The following CAD variants were observed in gnomAD, a reference collection of about 807,000 sequenced individuals.
CAD encodes carbamoyl-phosphate synthetase 2, aspartate transcarbamylase, and dihydroorotase.
Under a neutral mutation model 237.2 loss-of-function variants are expected in CAD, and 81 were observed. The observed-to-expected ratio is 0.34, with a 90% CI of 0.29 to 0.41. The LOEUF (loss-of-function observed/expected upper bound fraction) is 0.41, where lower values mean the gene tolerates loss of function less well. Among genes scored for constraint, CAD ranks in the 10% least tolerant of loss-of-function variants. The pLI is 1.00. For missense variants in CAD, 2,181 were observed against 2,951.7 expected (o/e 0.74, Z 6.05); for synonymous variants, 1,196 against 1,162.8 (o/e 1.03, Z -0.58).
intron 9 of CAD, 126 bp from the exon 10 acceptor site, chr2:27,224,619 A>G (rs1247733022): frequency 6.5e-7 from 1 of 1,534,828 alleles, no homozygotes; most frequent in Admixed American, 1.8e-5. Context: ...AGATGTAGTA[A>G]GAAATAGAAG....
chr2:27,231,635 G>A (rs573582520), intron 16 of CAD, 55 bp downstream of exon 16: 4 of 1,061,928 alleles, frequency 3.8e-6, no homozygotes, highest in African/African-American at 1.5e-5. Context: ...GCTTCTCATC[G>A]CCCCCAGACC....
rs778276618 is a variant in CAD, at chr2:27,241,353, T to C, written c.5840T>C (p.Leu1947Pro). 6.2e-7 allele frequency: 1 copy of C among 1,614,020 alleles called. No homozygotes were observed. The highest frequency in any genetic ancestry group is 8.5e-7 in the Non-Finnish European group (1 of 1,180,018). ...MSHLFNVAHT[L>P]RMMVQKERSL... ...CACCTGTTCAATGTGGCACACACACTGCGTATGATGGTGCAGAAGGAGCGG... is the reference window on the plus strand; with the variant it reads ...CACCTGTTCAATGTGGCACACACACCGCGTATGATGGTGCAGAAGGAGCGG... Residue 1947 changes from leucine to proline, a missense_variant, in exon 38 of 44, where the codon CTG becomes CCG. By Grantham distance (98) the Leu-to-Pro change is moderately conservative. Transcript: ENST00000264705. This position sits in a 1 kb window ranked among gnomAD's most constrained non-coding sequence, Gnocchi z 4.6.
rs758014737 is a variant in CAD at position 27,239,019 on chromosome 2, G to A, written c.5063-23G>A. Reference sequence around the variant, plus strand: ...AGACATGGAGGTGATTGGTCCTGAGGGTAATGGCTTTCTTTCTCCCAGCTC... The same window carrying A: ...AGACATGGAGGTGATTGGTCCTGAGAGTAATGGCTTTCTTTCTCCCAGCTC... On this transcript the variant is annotated intron_variant, in intron 31 of 43. Coordinates refer to ENST00000264705, the MANE Select transcript of CAD (RefSeq NM_004341.5). This position sits in a 1 kb window ranked among gnomAD's most constrained non-coding sequence, Gnocchi z 4.0. 1.3e-6 allele frequency: 2 copies of A among 1,536,232 alleles called. No individual in the cohort carries two copies. The highest frequency in any genetic ancestry group is 1.3e-5 in the South Asian group (1 of 77,180).
intron 3 of CAD, 23 bp downstream of exon 3, chr2:27,221,370 A>G: frequency 6.5e-7 from 1 of 1,534,406 alleles, no homozygotes; most frequent in Non-Finnish European, 8.8e-7. Flanking sequence ...GCAGGGGCAT[A>G]TTTGGGCAGA....
chr2:27,240,252 G>A lies in CAD; in HGVS notation c.5497-13G>A, dbSNP rs139681883. On this transcript the variant is annotated splice_polypyrimidine_tract_variant and intron_variant, in intron 34 of 43. Transcript: ENST00000264705. The surrounding 1 kb of genome is among the most constrained non-coding windows in gnomAD (Gnocchi z 4.6). ...AAAAAAAAAACAACTCTGGGCCAAC[G>A]TTATCCCTCCAGACACCTGAAAGAC... 10 of 1,601,258 alleles carry A rather than the reference G, an allele frequency of 6.2e-6. No homozygotes were observed. In the African/African-American group the frequency reaches 1.1e-4, roughly 17 times the overall value.
rs1676392048 is a variant in CAD, at chr2:27,242,928, T to C, written c.6435T>C (p.Thr2145=). ...CTGACACTGATGTGCTCTACATGAC[T>C]CGAATCCAGAAGGAACGATTTGGCT... is the stretch of plus-strand genomic sequence containing the variant. ...ALPDTDVLYM[T]RIQKERFGST... The change falls in exon 42 of 44, where the codon ACT becomes ACC. Residue 2145 remains threonine, a synonymous_variant. Transcript: ENST00000264705. The surrounding 1 kb of genome is among the most constrained non-coding windows in gnomAD (Gnocchi z 6.4). 1 of 1,610,410 alleles carries C rather than the reference T, an allele frequency of 6.2e-7. No homozygotes were observed. The highest frequency in any genetic ancestry group is 8.5e-7 in the Non-Finnish European group (1 of 1,176,962).
At chr2:27,234,729 G>T in intron 23 of CAD, 44 bp downstream of exon 23, 4 of 1,572,432 alleles carry the variant, frequency 2.5e-6, no homozygotes, top group Non-Finnish European at 3.5e-6. Flanking sequence ...AAAATAGCGG[G>T]AGAGAGTTCA....
Position 27,225,728 on chromosome 2 carries a change from G to T in CAD, c.1644G>T (p.Leu548=). ...AGGCCCAGGCAGCCGCTGAACGGCT[G>T]GGGTACCCTGTGCTAGTGCGTGCAG... ...LEQAQAAAER[L]GYPVLVRAAF... Residue 548 remains leucine (L), a synonymous_variant, in exon 12 of 44, where the codon CTG becomes CTT. Coordinates refer to ENST00000264705, the MANE Select transcript of CAD (RefSeq NM_004341.5). 6.2e-7 allele frequency: 1 copy of T among 1,614,060 alleles called. No homozygotes were observed. The highest frequency in any genetic ancestry group is 1.3e-5 in the African/African-American group (1 of 75,052).
At chr2:27,218,103 T>TGCCCAGCA in intron 2 of CAD, 87 bp downstream of exon 2, 1 of 1,192,652 alleles carries the variant, frequency 8.4e-7, no homozygotes, top group Non-Finnish European at 1.2e-6. Flanking sequence ...GACACCCTGC[T>TGCCCAGCA]GGGCATCCTG....
intron 23 of CAD, 114 bp downstream of exon 23, chr2:27,234,799 C>T (rs1008122628): frequency 1.3e-4 from 134 of 1,004,962 alleles, no homozygotes; most frequent in Admixed American, 6.0e-4. Context: ...ATTGCCGGAT[C>T]GTGGGGGTAA....
Position 27,243,561 on chromosome 2 carries a change from G to A in CAD, c.*43G>A. 6.8e-7 allele frequency: 1 copy of A among 1,467,016 alleles called. No homozygotes were observed. The highest frequency in any genetic ancestry group is 9.3e-7 in the Non-Finnish European group (1 of 1,069,732). The allele number at this position is 1,467,016 out of a possible 1,614,324, so 90.9% of individuals were successfully genotyped here. Reference sequence around the variant, plus strand: ...CTCTTCTCTTTAGGCCCAGCTGCTGGGCAAGGAATTCCAGTGCCTCCTACG... The same window carrying A: ...CTCTTCTCTTTAGGCCCAGCTGCTGAGCAAGGAATTCCAGTGCCTCCTACG... On this transcript the variant is annotated 3_prime_UTR_variant, in exon 44 of 44. Transcript: ENST00000264705.
Position 27,232,279 on chromosome 2 carries a change from A to G in CAD, c.2645+55A>G. 6.2e-7 allele frequency: 1 copy of G among 1,604,744 alleles called. No individual in the cohort carries two copies. The highest frequency in any genetic ancestry group is 1.3e-5 in the African/African-American group (1 of 74,958). On this transcript the variant is annotated intron_variant, in intron 17 of 43. Coordinates refer to ENST00000264705, the MANE Select transcript of CAD (RefSeq NM_004341.5). The surrounding 1 kb of genome is among the most constrained non-coding windows in gnomAD (Gnocchi z 4.1). ...GGGAAATGTGGGGCAGAACCTTTGTATCAGTGAGGGACCCTTGGGAGGGAG... is the reference window on the plus strand; with the variant it reads ...GGGAAATGTGGGGCAGAACCTTTGTGTCAGTGAGGGACCCTTGGGAGGGAG...
chr2:27,228,772 T>C (rs2148070669), intron 15 of CAD, among the ~76,000 whole-genome samples: 1 of 152,188 alleles, frequency 6.6e-6, no homozygotes, highest in Non-Finnish European at 1.5e-5. Flanking sequence ...TGTATTTTAA[T>C]AGAGACAGGG....
chr2:27,222,911 C>T lies in CAD; in HGVS notation c.683C>T (p.Ser228Phe), dbSNP rs267599312. 1 of 1,614,206 alleles carries T rather than the reference C, an allele frequency of 6.2e-7. No homozygotes were observed. The highest frequency in any genetic ancestry group is 1.3e-5 in the African/African-American group (1 of 75,032). Residue 228 changes from serine (S) to phenylalanine (F), a missense_variant, in exon 6 of 44, where the codon TCC becomes TTC. Transcript: ENST00000264705. Reference sequence around the variant, plus strand: ...AGTAATGGGCCTGGTGACCCTGCCTCCTATCCCAGTGTCGTATCCACACTG... The same window carrying T: ...AGTAATGGGCCTGGTGACCCTGCCTTCTATCCCAGTGTCGTATCCACACTG... Reference protein sequence around the residue: ...FLSNGPGDPASYPSVVSTLSR... With the variant: ...FLSNGPGDPAFYPSVVSTLSR...
chr2:27,220,716 G>C (rs1370018883), intron 2 of CAD, among the ~76,000 whole-genome samples: 2 of 151,782 alleles, frequency 1.3e-5, no homozygotes, highest in African/African-American at 4.8e-5. Flanking sequence ...CCAGCACTTT[G>C]GGAGGCTGAG....
Position 27,243,563 on chromosome 2 carries a change from C to CCTA in CAD, c.*45_*46insCTA. ...CTTCTCTTTAGGCCCAGCTGCTGGG[C>CCTA]AAGGAATTCCAGTGCCTCCTACGGG... On this transcript the variant is annotated 3_prime_UTR_variant, in exon 44 of 44. Transcript: ENST00000264705. 1 of 1,439,520 alleles carries CCTA rather than the reference C, an allele frequency of 6.9e-7. No homozygotes were observed. The highest frequency in any genetic ancestry group is 9.6e-7 in the Non-Finnish European group (1 of 1,045,294). The allele number at this position is 1,439,520 out of a possible 1,614,324, so 89.2% of individuals were successfully genotyped here.
At chr2:27,221,390 G>T (rs900477380) in intron 3 of CAD, 43 bp downstream of exon 3, 24 of 1,453,884 alleles carry the variant, frequency 1.7e-5, no homozygotes, top group African/African-American at 4.2e-5. Context: ...AGCACAGCAT[G>T]CCTGGATGGA....
Position 27,235,941 on chromosome 2 carries a change from C to T in CAD, c.4074+301C>T, listed in dbSNP as rs182108955. The T allele has an allele frequency of 1.9e-4, 93 of 488,760 alleles. 1 individual carries two copies. In the East Asian group the frequency reaches 3.1e-3, roughly 16 times the overall value. The allele number at this position is 488,760 out of a possible 1,614,324, so 30.3% of individuals were successfully genotyped here. A position where few individuals can be genotyped will look rare whatever the true frequency, so the allele number is the denominator to read the frequency against. On this transcript the variant is annotated intron_variant, in intron 25 of 43. Coordinates refer to ENST00000264705, the MANE Select transcript of CAD (RefSeq NM_004341.5). The surrounding 1 kb of genome is among the most constrained non-coding windows in gnomAD (Gnocchi z 5.2). ...TTATTATTACCATTATACTAGTAAG[C>T]TATATTCCATGCAGAAAGCAGAATA...
In CAD at chr2:27,241,447, C is replaced by G. The variant is rs532077879; in HGVS notation, c.5883+51C>G. 1 of 1,574,306 alleles carries G rather than the reference C, an allele frequency of 6.4e-7. No homozygotes were observed. The highest frequency in any genetic ancestry group is 8.7e-7 in the Non-Finnish European group (1 of 1,144,296). ...TCCAGGCCATCGCCTGCCCTTGGGC[C>G]GCATCAGCGCAGGGCCGCGCAGTGG... On this transcript the variant is annotated intron_variant, in intron 38 of 43. Coordinates refer to ENST00000264705, the MANE Select transcript of CAD (RefSeq NM_004341.5). The surrounding 1 kb of genome is among the most constrained non-coding windows in gnomAD (Gnocchi z 4.6).
Sources: allele counts gnomAD v4.1 joint callset (sites outside exome capture counted in the v4.1 genomes callset), GRCh38; gene constraint gnomAD v4.1.1; non-coding constraint Gnocchi (gnomAD v3.1); transcripts MANE v1.5; gene names NCBI Gene and HGNC (gene_info 2026-07-23, HGNC 2026-07-21).